Variants in PBX3 observed in about 807,000 individuals in gnomAD.
The protein encoded by PBX3 is PBX homeobox 3, also known as pre-B-cell leukemia transcription factor 3.
PBX3 carries 14 observed loss-of-function variants against 48.5 expected under a neutral mutation model. The observed-to-expected ratio is 0.29, with a 90% CI of 0.19 to 0.45. PBX3 has a LOEUF of 0.45. Among genes scored for constraint, PBX3 ranks in the 20% least tolerant of loss-of-function variants. The pLI is 1.00. For synonymous variants in PBX3, 210 were observed against 200.3 expected (o/e 1.05, Z -0.41); for missense variants, 386 against 546.7 (o/e 0.71, Z 2.93).
chr9:125,882,105 T>C (rs2132353584), intron 2 of PBX3, among the ~76,000 whole-genome samples: 1 of 152,036 alleles, frequency 6.6e-6, no homozygotes, highest in Admixed American at 6.5e-5. Flanking sequence ...TGGCACATGC[T>C]TGTAATCCTA....
intron 5 of PBX3, among the ~76,000 whole-genome samples, chr9:125,955,874 A>G (rs1452976483): frequency 1.3e-5 from 2 of 152,216 alleles, no homozygotes; most frequent in Admixed American, 6.5e-5. Flanking sequence ...GGCAGGGGCC[A>G]TGTGTTTATT....
chr9:125,792,032 CTA>C (rs1491247886), intron 2 of PBX3, among the ~76,000 whole-genome samples: 5 of 138,998 alleles, frequency 3.6e-5, no homozygotes, highest in Non-Finnish European at 6.1e-5. Context: ...TGGATTAATA[CTA>C]CACACACACA....
intron 2 of PBX3, among the ~76,000 whole-genome samples, chr9:125,897,444 A>G (rs1287472548): frequency 6.6e-6 from 1 of 151,816 alleles, no homozygotes; most frequent in Non-Finnish European, 1.5e-5. Context: ...AAATGATCTG[A>G]GTGTGAAGTG....
chr9:125,946,225 T>C (rs1842060792), intron 5 of PBX3, among the ~76,000 whole-genome samples: 1 of 152,172 alleles, frequency 6.6e-6, no homozygotes, highest in Non-Finnish European at 1.5e-5. Flanking sequence ...TCATAGGTGC[T>C]TGGAGAAATC....
chr9:125,956,901 C>G (rs1257655702), intron 5 of PBX3, among the ~76,000 whole-genome samples: 2 of 152,342 alleles, frequency 1.3e-5, no homozygotes, highest in East Asian at 3.9e-4. Context: ...CGCATGCAGC[C>G]TGGCCCCACT....
chr9:125,937,666 T>C (rs1182347095), intron 5 of PBX3, among the ~76,000 whole-genome samples: 1 of 152,220 alleles, frequency 6.6e-6, no homozygotes, highest in Non-Finnish European at 1.5e-5. Flanking sequence ...CTGCTTTTGC[T>C]TTTTCTTTTT....
At chr9:125,786,142 T>C (rs1837451288) in intron 2 of PBX3, among the ~76,000 whole-genome samples, 2 of 152,174 alleles carry the variant, frequency 1.3e-5, no homozygotes, top group African/African-American at 4.8e-5. Flanking sequence ...TATGTTGAGT[T>C]TGAGGTACTA....
chr9:125,776,322 A>G (rs980569562), intron 2 of PBX3, among the ~76,000 whole-genome samples: 1 of 151,972 alleles, frequency 6.6e-6, no homozygotes, highest in African/African-American at 2.4e-5. Context: ...ATTTTGTCAA[A>G]TAGTTTTTTT....
chr9:125,947,551 A>G (rs1588329108), intron 5 of PBX3, among the ~76,000 whole-genome samples: 1 of 152,184 alleles, frequency 6.6e-6, no homozygotes, highest in East Asian at 1.9e-4. Context: ...AGAGACAGAG[A>G]CATAGAATAA....
At chr9:125,929,949 T>G in intron 4 of PBX3, 104 bp downstream of exon 4, 41 of 809,164 alleles carry the variant, frequency 5.1e-5, no homozygotes, top group Non-Finnish European at 7.0e-5. Flanking sequence ...CTTTTGGCCA[T>G]ATGAGTCTTT....
At chr9:125,771,358 T>C (rs1366887323) in intron 2 of PBX3, among the ~76,000 whole-genome samples, 1 of 152,222 alleles carries the variant, frequency 6.6e-6, no homozygotes, top group African/African-American at 2.4e-5. Context: ...GATTTTTTAT[T>C]CTGTCCAAAG....
chr9:125,950,325 GC>G (rs771500212), intron 5 of PBX3, among the ~76,000 whole-genome samples: 18 of 152,090 alleles, frequency 1.2e-4, no homozygotes, highest in Admixed American at 3.9e-4. Flanking sequence ...ATTTTTCACA[GC>G]CTCAGATAAA....
chr9:125,774,096 A>T (rs1837010331), intron 2 of PBX3, among the ~76,000 whole-genome samples: 1 of 152,198 alleles, frequency 6.6e-6, no homozygotes, highest in South Asian at 2.1e-4. Flanking sequence ...TACAGGAAGC[A>T]TGGCTGGGGA....
chr9:125,844,413 A>T (rs1455166760), intron 2 of PBX3, among the ~76,000 whole-genome samples: 1 of 151,928 alleles, frequency 6.6e-6, no homozygotes, highest in African/African-American at 2.4e-5. Context: ...GCATTAAAAT[A>T]TACTATATAA....
chr9:125,930,480 C>T (rs1473900505), intron 4 of PBX3, among the ~76,000 whole-genome samples: 8 of 152,140 alleles, frequency 5.3e-5, no homozygotes, highest in African/African-American at 1.7e-4. Flanking sequence ...TCATAGTGTA[C>T]GCTGCCCCTG....
At chr9:125,872,125 A>C (rs943300494) in intron 2 of PBX3, among the ~76,000 whole-genome samples, 1 of 152,200 alleles carries the variant, frequency 6.6e-6, no homozygotes, top group Non-Finnish European at 1.5e-5. Context: ...TAGGGGCAGA[A>C]AAAATTAGAG....
intron 5 of PBX3, among the ~76,000 whole-genome samples, chr9:125,943,565 A>G (rs1319966139): frequency 6.6e-6 from 1 of 151,682 alleles, no homozygotes; most frequent in African/African-American, 2.4e-5. Flanking sequence ...AGTTTTTCTC[A>G]TGCTAGTCTC....
At chr9:125,893,359 A>C (rs937655317) in intron 2 of PBX3, among the ~76,000 whole-genome samples, 14 of 152,206 alleles carry the variant, frequency 9.2e-5, no homozygotes, top group African/African-American at 3.4e-4. Flanking sequence ...TTAGAGACAA[A>C]GGTATAAACT....
chr9:125,786,542 G>A (rs964150474), intron 2 of PBX3, among the ~76,000 whole-genome samples: 22 of 152,168 alleles, frequency 1.4e-4, no homozygotes, highest in African/African-American at 4.8e-4. Flanking sequence ...TGAGCATTAG[G>A]TTTGGAGTTG....
Sources: gnomAD v4.1 joint callset for allele counts (sites outside exome capture counted in the v4.1 genomes callset) on GRCh38, gnomAD v4.1.1 for gene constraint, MANE v1.5 for transcripts, NCBI Gene and HGNC (gene_info 2026-07-23, HGNC 2026-07-21) for gene names.